TMEM116: variants seen among roughly 807,000 people sequenced by gnomAD.
TMEM116 encodes transmembrane protein 116.
A neutral mutation model predicts 44.3 loss-of-function variants in TMEM116; 38 were observed. The observed-to-expected ratio is 0.86, with a 90% CI of 0.66 to 1.12. The LOEUF (loss-of-function observed/expected upper bound fraction) is 1.12, where lower values mean the gene tolerates loss of function less well. TMEM116 is among the 50% of genes most tolerant of loss of function. The pLI is 0.00. For synonymous variants in TMEM116, 132 were observed against 144.8 expected, an observed-to-expected ratio of 0.91 and a Z score of 0.64; for missense variants, 354 against 401.7, an observed-to-expected ratio of 0.88 and a Z score of 1.01.
chr12:111,933,829 G>T, intron 9 of TMEM116, 57 bp downstream of exon 9: 1 of 1,601,122 alleles, frequency 6.2e-7, no homozygotes, highest in South Asian at 1.1e-5. Context: ...CACTTTGCTT[G>T]ATCAGAACCT....
In TMEM116 at chr12:111,931,673, T is replaced by G. The variant is rs963846580; in HGVS notation, c.962A>C (p.Asn321Thr). ...SQKRFYSRGL[N>T]SLESTLTFPA... ...AAAAGTCAGGGTGGATTCCAGTGAA[T>G]TTAAGCCCCTGCTATAGAATCTCTT... Residue 321 changes from asparagine to threonine, a missense_variant, in exon 11 of 11, where the codon AAT (asparagine) becomes ACT (threonine). By Grantham distance (65) the Asn-to-Thr change is moderately conservative. Coordinates refer to ENST00000552374, the MANE Select transcript of TMEM116 (RefSeq NM_001193531.2). 3.1e-6 allele frequency: 5 copies of G among 1,614,056 alleles called. No homozygotes were observed. The African/African-American group carries it at 5.3e-5, about 17-fold the overall frequency.
chr12:111,944,373 T>C (rs948248537), intron 4 of TMEM116, among the ~76,000 whole-genome samples: 1 of 151,784 alleles, frequency 6.6e-6, no homozygotes, highest in African/African-American at 2.4e-5. Context: ...AGAGCGAGTA[T>C]AGGAGGGCTG....
chr12:111,984,255 T>C (rs771025312), intron 4 of TMEM116, among the ~76,000 whole-genome samples: 1 of 152,196 alleles, frequency 6.6e-6, no homozygotes, highest in Non-Finnish European at 1.5e-5. Context: ...AAATGAGATC[T>C]GTCATTTGCA....
intron 3 of TMEM116, among the ~76,000 whole-genome samples, chr12:112,001,541 T>C (rs1344924194): frequency 1.3e-5 from 2 of 152,196 alleles, no homozygotes; most frequent in Non-Finnish European, 2.9e-5. Flanking sequence ...TTACTACTAG[T>C]ATCCAGCTGG....
intron 1 of TMEM116, among the ~76,000 whole-genome samples, chr12:112,009,683 CAAA>C (rs774025829): frequency 2.9e-5 from 4 of 138,548 alleles, no homozygotes; most frequent in African/African-American, 5.3e-5. Context: ...ACTAAAAATA[CAAA>C]AAAAAAAAAA....
chr12:111,984,672 A>G, intron 4 of TMEM116, among the ~76,000 whole-genome samples: 1 of 152,152 alleles, frequency 6.6e-6, no homozygotes, highest in East Asian at 2.0e-4. Context: ...ACATTTTAAA[A>G]GAATTAAAAC....
chr12:112,009,252 C>T (rs905093507), intron 1 of TMEM116, among the ~76,000 whole-genome samples: 2 of 152,022 alleles, frequency 1.3e-5, no homozygotes, highest in African/African-American at 4.8e-5. Context: ...ATAAATCCAC[C>T]ACTCCTGGCC....
Position 111,968,386 on chromosome 12 carries a change from G to C in TMEM116, c.210+23372C>G, listed in dbSNP as rs535465109. On this transcript the variant is annotated intron_variant, in intron 4 of 10. Coordinates refer to ENST00000552374, the MANE Select transcript of TMEM116 (RefSeq NM_001193531.2). ...CCCACCTAACAAATTATAAAAGCAA[G>C]ACCTGAATGATTCAAACTATTTCCA... Among the ~76,000 whole-genome samples, 3 of 152,226 alleles carry C rather than the reference G, an allele frequency of 2.0e-5. No homozygotes were observed. The South Asian group carries it at 6.2e-4, about 32-fold the overall frequency.
intron 3 of TMEM116, among the ~76,000 whole-genome samples, chr12:112,003,356 C>T (rs1223625500): frequency 6.6e-6 from 1 of 152,156 alleles, no homozygotes; most frequent in African/African-American, 2.4e-5. Flanking sequence ...ATCATGAGAT[C>T]AGGAGATCGA....
At chr12:112,009,828 C>T (rs1178573083) in intron 1 of TMEM116, among the ~76,000 whole-genome samples, 1 of 148,938 alleles carries the variant, frequency 6.7e-6, no homozygotes, top group Non-Finnish European at 1.5e-5. Context: ...CCTGAGTGAC[C>T]AAGTGACTCT....
At chr12:111,942,716 G>A (rs1377360708) in intron 5 of TMEM116, among the ~76,000 whole-genome samples, 6 of 152,116 alleles carry the variant, frequency 3.9e-5, no homozygotes, top group Admixed American at 3.9e-4. Context: ...GTCAAACCAG[G>A]CAGGAATGCC....
chr12:111,956,715 G>T (rs867497798), intron 4 of TMEM116, among the ~76,000 whole-genome samples: 1 of 152,186 alleles, frequency 6.6e-6, no homozygotes, highest in Non-Finnish European at 1.5e-5. Flanking sequence ...GGGTTTCGCC[G>T]TGTTGGCTGG....
intron 4 of TMEM116, among the ~76,000 whole-genome samples, chr12:111,946,849 C>G (rs1033580598): frequency 6.6e-6 from 1 of 152,156 alleles, no homozygotes. Context: ...GAAGTTACAT[C>G]CTACTGCTCA....
At chr12:111,971,166 G>A (rs1373198128) in intron 4 of TMEM116, among the ~76,000 whole-genome samples, 1 of 151,766 alleles carries the variant, frequency 6.6e-6, no homozygotes, top group Non-Finnish European at 1.5e-5. Flanking sequence ...GTGACATTTA[G>A]GCAGATGAAA....
intron 3 of TMEM116, among the ~76,000 whole-genome samples, chr12:111,997,195 A>C (rs1389583963): frequency 6.6e-6 from 1 of 152,192 alleles, no homozygotes; most frequent in Non-Finnish European, 1.5e-5. Context: ...TAAATAGTAC[A>C]TACATGTTTC....
intron 8 of TMEM116, 21 bp from the exon 9 acceptor site, chr12:111,934,051 G>A: frequency 1.9e-6 from 3 of 1,611,900 alleles, no homozygotes; most frequent in South Asian, 1.1e-5. Context: ...GTACAGCAGT[G>A]AGCAGTTTGC....
At chr12:111,990,465 T>C (rs2076494336) in intron 4 of TMEM116, among the ~76,000 whole-genome samples, 1 of 152,190 alleles carries the variant, frequency 6.6e-6, no homozygotes, top group Non-Finnish European at 1.5e-5. Context: ...TTAATTCTAT[T>C]TAATTCATGA....
rs2071637692 is a variant in TMEM116 at position 111,931,525 on chromosome 12, A to T, written c.*96T>A. On this transcript the variant is annotated 3_prime_UTR_variant, in exon 11 of 11. Transcript: ENST00000552374. ...TCCTTTGAGTTCTGCAGTTTAGGGCATAGTTAGAAAAGATTTAAGATGTCC... is the reference window on the plus strand; with the variant it reads ...TCCTTTGAGTTCTGCAGTTTAGGGCTTAGTTAGAAAAGATTTAAGATGTCC... The T allele has an allele frequency of 8.3e-7, 1 of 1,211,238 alleles. No individual in the cohort carries two copies. 75.0% of individuals were successfully genotyped at this position (1,211,238 alleles called of 1,614,324 possible). A position where few individuals can be genotyped will look rare whatever the true frequency, so the allele number is the denominator to read the frequency against.
intron 1 of TMEM116, 64 bp from the exon 2 acceptor site, chr12:112,005,367 C>G (rs958372970): frequency 9.1e-7 from 1 of 1,101,286 alleles, no homozygotes; most frequent in Non-Finnish European, 1.2e-6. Flanking sequence ...AACCTAAGTT[C>G]ATTATTAACT....
Sources: gnomAD v4.1 joint callset for allele counts (sites outside exome capture counted in the v4.1 genomes callset) on GRCh38, gnomAD v4.1.1 for gene constraint, MANE v1.5 for transcripts, NCBI Gene and HGNC (gene_info 2026-07-23, HGNC 2026-07-21) for gene names.